The following FAM184A variants were observed in gnomAD, a reference collection of about 807,000 sequenced individuals.
The protein encoded by FAM184A is family with sequence similarity 184 member A.
Under a neutral mutation model 143.8 loss-of-function variants are expected in FAM184A, and 99 were observed. The observed-to-expected ratio is 0.69, with a 90% CI of 0.58 to 0.81. The LOEUF (loss-of-function observed/expected upper bound fraction) is 0.81. Ranked by LOEUF, FAM184A falls within the 40% of genes least tolerant of loss-of-function variation. The probability of loss-of-function intolerance (pLI) is 0.00; values close to 1 mark genes in which losing one functional copy is unlikely to be tolerated. For synonymous variants in FAM184A, 427 were observed against 446.4 expected, an observed-to-expected ratio of 0.96 and a Z score of 0.55; for missense variants, 1,217 against 1,310.5, an observed-to-expected ratio of 0.93 and a Z score of 1.10.
At chr6:119,022,897 G>C (rs201813620) in intron 3 of FAM184A, 48 bp downstream of exon 3, 1 of 1,606,536 alleles carries the variant, frequency 6.2e-7, no homozygotes, top group East Asian at 2.2e-5. Flanking sequence ...AATAAATAAA[G>C]TGTTGATTTT....
chr6:119,022,994 AGCT>A lies in FAM184A; in HGVS notation c.1098_1100del (p.Ala368del). 6.2e-7 allele frequency: 1 copy of A among 1,614,244 alleles called. No individual in the cohort carries two copies. The highest frequency in any genetic ancestry group is 8.5e-7 in the Non-Finnish European group (1 of 1,180,040). ...CTTGCTGTTGTAAACGTTCTCTGGC[AGCT>A]GCTAGCTCACTTTCCACTTCTTTGT... On this transcript the variant is annotated inframe_deletion, in exon 3 of 18. Transcript: ENST00000338891.
At chr6:119,125,201 T>TG (rs1789325416) in intron 1 of FAM184A, among the ~76,000 whole-genome samples, 1 of 152,246 alleles carries the variant, frequency 6.6e-6, no homozygotes, top group East Asian at 1.9e-4. Context: ...AACAGCTTTA[T>TG]TAATCAATCA....
At chr6:119,106,825 A>G (rs1334479901) in intron 1 of FAM184A, among the ~76,000 whole-genome samples, 3 of 152,240 alleles carry the variant, frequency 2.0e-5, no homozygotes, top group Non-Finnish European at 4.4e-5. Flanking sequence ...TCACACTACA[A>G]AAAGTTCTTT....
Position 119,023,820 on chromosome 6 carries a change from G to GT in FAM184A, c.1014+138dup, listed in dbSNP as rs1241762696. On this transcript the variant is annotated intron_variant, in intron 2 of 17. Transcript: ENST00000338891. The stretch of plus-strand genomic sequence containing the variant: ...TTCTCACAAAGGAAAAGCAGGAAAA[G>GT]TTAAAAAAAAAAAAAAAAAAAAGTC... 2.0e-3 allele frequency: 1,019 copies of GT among 508,266 alleles called. 6 individuals are homozygous for GT. The African/African-American group carries it at 0.027, about 13-fold the overall frequency. 31.5% of individuals were successfully genotyped at this position (508,266 alleles called of 1,614,324 possible).
At chr6:119,055,486 T>C (rs1168602718) in intron 1 of FAM184A, among the ~76,000 whole-genome samples, 1 of 152,224 alleles carries the variant, frequency 6.6e-6, no homozygotes, top group African/African-American at 2.4e-5. Context: ...AGTGACTGAC[T>C]GCACCATTTT....
intron 1 of FAM184A, among the ~76,000 whole-genome samples, chr6:119,077,276 CA>C: frequency 6.6e-6 from 1 of 152,138 alleles, no homozygotes; most frequent in Non-Finnish European, 1.5e-5. Context: ...ACTCTCCTAA[CA>C]AGCTGTTAGG....
At position 118,959,928 on chromosome 6, in the gene FAM184A, A is replaced by AC; in HGVS notation, c.*174dup. The AC allele has an allele frequency of 2.1e-6, 1 of 486,414 alleles. No homozygotes were observed. Among genetic ancestry groups the AC allele is most frequent in the Non-Finnish European group, 3.6e-6 (1 of 275,388 alleles). The allele number at this position is 486,414 out of a possible 1,614,324, so 30.1% of individuals were successfully genotyped here. A position where few individuals can be genotyped will look rare whatever the true frequency, so the allele number is the denominator to read the frequency against. ...GTTATAATTACACACATAATATAGT[A>AC]CCTTATAGAATGATTCCAATAAATA... On this transcript the variant is annotated 3_prime_UTR_variant, in exon 18 of 18. Coordinates refer to ENST00000338891, the MANE Select transcript of FAM184A (RefSeq NM_024581.6).
chr6:119,109,086 T>TCTC (rs1319201269), intron 1 of FAM184A, among the ~76,000 whole-genome samples: 1 of 145,360 alleles, frequency 6.9e-6, no homozygotes, highest in East Asian at 2.0e-4. Flanking sequence ...CCTATTCCTA[T>TCTC]CTCCTCCATG....
chr6:119,005,709 A>T (rs1051665580), intron 7 of FAM184A: 13 of 174,346 alleles, frequency 7.5e-5, no homozygotes, highest in Non-Finnish European at 3.7e-5. Flanking sequence ...CAGAGCCTAT[A>T]CTCTAAACCA....
chr6:118,997,450 G>A (rs1784607179), intron 9 of FAM184A, among the ~76,000 whole-genome samples: 1 of 152,130 alleles, frequency 6.6e-6, no homozygotes, highest in Non-Finnish European at 1.5e-5. Flanking sequence ...AGGACTTTGG[G>A]AGGCCGAAGC....
At chr6:119,048,595 C>G (rs2210731) in intron 1 of FAM184A, among the ~76,000 whole-genome samples, 1 of 152,126 alleles carries the variant, frequency 6.6e-6, no homozygotes, top group Non-Finnish European at 1.5e-5. Flanking sequence ...AACAGCCAAG[C>G]TAAGAGACAA....
intron 1 of FAM184A, among the ~76,000 whole-genome samples, chr6:119,036,165 T>C (rs1397465066): frequency 6.6e-6 from 1 of 151,622 alleles, no homozygotes; most frequent in Non-Finnish European, 1.5e-5. Flanking sequence ...CTACACAGAA[T>C]AGTTCAGCCC....
chr6:119,045,102 G>A (rs1362639882), intron 1 of FAM184A, among the ~76,000 whole-genome samples: 2 of 152,146 alleles, frequency 1.3e-5, no homozygotes, highest in Non-Finnish European at 2.9e-5. Context: ...TTCAAGGATT[G>A]CTGATATTCT....
At chr6:119,128,769 T>G (rs1165293372) in intron 1 of FAM184A, among the ~76,000 whole-genome samples, 2 of 152,182 alleles carry the variant, frequency 1.3e-5, no homozygotes, top group African/African-American at 4.8e-5. Flanking sequence ...AATCAAGGTA[T>G]TTTACCCCCA....
At chr6:119,074,753 T>C (rs1339821487) in intron 1 of FAM184A, among the ~76,000 whole-genome samples, 1 of 152,238 alleles carries the variant, frequency 6.6e-6, no homozygotes, top group East Asian at 1.9e-4. Flanking sequence ...TATCTTGAGA[T>C]AGTTCAGCCA....
chr6:119,095,888 C>T (rs147364523), intron 1 of FAM184A, among the ~76,000 whole-genome samples: 1,652 of 152,234 alleles, frequency 0.011, 21 homozygotes, highest in South Asian at 0.046. Context: ...TGTGTGTGAA[C>T]TTCCAGTCCA....
At position 119,011,553 on chromosome 6, in the gene FAM184A, C is replaced by T. The variant is rs56994549; in HGVS notation, c.1531-122G>A. 3.4e-3 allele frequency: 2,112 copies of T among 619,626 alleles called. 34 individuals carry two copies. In the African/African-American group the frequency reaches 0.037, roughly 11 times the overall value. The allele number at this position is 619,626 out of a possible 1,614,324, so 38.4% of individuals were successfully genotyped here. A position where few individuals can be genotyped will look rare whatever the true frequency, so the allele number is the denominator to read the frequency against. On this transcript the variant is annotated intron_variant, in intron 5 of 17. Transcript: ENST00000338891. ...CTTTGCTCTTCAAATTAGCCTTACCCTTAATTAACAATATCTGAATTAACA... is the reference window on the plus strand; with the variant it reads ...CTTTGCTCTTCAAATTAGCCTTACCTTTAATTAACAATATCTGAATTAACA...
chr6:119,133,960 G>A (rs1193935868), intron 1 of FAM184A, among the ~76,000 whole-genome samples: 1 of 151,718 alleles, frequency 6.6e-6, no homozygotes. Flanking sequence ...GGGATTACTG[G>A]TGTGAACCCT....
At chr6:119,113,304 C>T (rs1263729519) in intron 1 of FAM184A, among the ~76,000 whole-genome samples, 1 of 152,220 alleles carries the variant, frequency 6.6e-6, no homozygotes, top group Non-Finnish European at 1.5e-5. Context: ...ATCTCCCTGG[C>T]TCTCAAGGTC....
Sources: allele counts gnomAD v4.1 joint callset (sites outside exome capture counted in the v4.1 genomes callset), GRCh38; gene constraint gnomAD v4.1.1; transcripts MANE v1.5; gene names NCBI Gene and HGNC (gene_info 2026-07-23, HGNC 2026-07-21).